The following SMG1 variants were observed in gnomAD, a reference collection of about 807,000 sequenced individuals.
The protein encoded by SMG1 is SMG1 nonsense mediated mRNA decay associated PI3K related kinase, also known as serine/threonine-protein kinase SMG1.
A neutral mutation model predicts 419.9 loss-of-function variants in SMG1; 22 were observed. The ratio of observed to expected loss-of-function variants is 0.05; its 90% confidence interval spans 0.04 to 0.07. The LOEUF (loss-of-function observed/expected upper bound fraction) is 0.07, where lower values mean the gene tolerates loss of function less well. Ranked by LOEUF, SMG1 falls within the 10% of genes least tolerant of loss-of-function variation. SMG1 has a pLI of 1.00. For synonymous variants in SMG1, 1,538 were observed against 1,553.5 expected (o/e 0.99, Z 0.23); for missense variants, 3,185 against 4,342.0 (o/e 0.73, Z 7.49).
rs540880202 is a variant in SMG1, at chr16:18,814,140, T to C, written c.10621+1035A>G. Among the ~76,000 whole-genome samples, 5 of 146,484 alleles carry C rather than the reference T, an allele frequency of 3.4e-5. No homozygotes were observed. In the East Asian group the frequency reaches 7.8e-4, roughly 23 times the overall value. ...GGCCATTAAGTCATTTTTAAAAAGA[T>C]TATTTAATGACTGAAAAATTATTAA... is the stretch of plus-strand genomic sequence containing the variant. On this transcript the variant is annotated intron_variant, in intron 60 of 62. Coordinates refer to ENST00000446231, the MANE Select transcript of SMG1 (RefSeq NM_015092.5).
In SMG1 at chr16:18,839,690, G is replaced by A. The variant is rs1028781698; in HGVS notation, c.6945+8C>T. On this transcript the variant is annotated splice_region_variant and intron_variant, in intron 42 of 62. Coordinates refer to ENST00000446231, the MANE Select transcript of SMG1 (RefSeq NM_015092.5). Reference sequence around the variant, plus strand: ...ACTACTGAGTATAGTCTAAAACAAAGCACATACCTGCGTAACTCTCCACCA... The same window carrying A: ...ACTACTGAGTATAGTCTAAAACAAAACACATACCTGCGTAACTCTCCACCA... 3 of 1,613,856 alleles carry A rather than the reference G, an allele frequency of 1.9e-6. No homozygotes were observed. The highest frequency in any genetic ancestry group is 2.2e-5 in the East Asian group (1 of 44,898).
chr16:18,864,866 C>G (rs1201357601), intron 23 of SMG1, among the ~76,000 whole-genome samples: 1 of 152,050 alleles, frequency 6.6e-6, no homozygotes, highest in Non-Finnish European at 1.5e-5. Context: ...AACAGTGAGT[C>G]GACTATGGTG....
chr16:18,866,220 A>T (rs1018832480), intron 23 of SMG1: 1 of 222,436 alleles, frequency 4.5e-6, no homozygotes, highest in Non-Finnish European at 9.0e-6. Context: ...TGGACACAGA[A>T]TATTATGGTA....
At chr16:18,829,232 A>G (rs766033449) in intron 54 of SMG1, 54 bp downstream of exon 54, 4 of 1,433,690 alleles carry the variant, frequency 2.8e-6, no homozygotes, top group Non-Finnish European at 3.8e-6. Context: ...AATTTCCCCC[A>G]TTTTTCAAGT....
At chr16:18,831,770 A>ACAT (rs57580914) in intron 51 of SMG1, among the ~76,000 whole-genome samples, 68 of 93,358 alleles carry the variant, frequency 7.3e-4, no homozygotes, top group Non-Finnish European at 1.4e-3. Context: ...AAAAAAAAAA[A>ACAT]ATACATATAT....
chr16:18,875,941 G>A (rs1215594498), intron 13 of SMG1, 183 bp downstream of exon 13: 19 of 631,496 alleles, frequency 3.0e-5, no homozygotes, highest in Non-Finnish European at 5.2e-5. Context: ...AAGAAGAAAA[G>A]TTAAATATAA....
chr16:18,891,975 G>T (rs2036902283), intron 4 of SMG1, among the ~76,000 whole-genome samples: 1 of 152,216 alleles, frequency 6.6e-6, no homozygotes, highest in African/African-American at 2.4e-5. Flanking sequence ...GCTGCAGTGG[G>T]AGGATAGCTT....
intron 55 of SMG1, among the ~76,000 whole-genome samples, chr16:18,820,210 C>T (rs905727069): frequency 5.9e-5 from 9 of 152,038 alleles, no homozygotes; most frequent in Admixed American, 5.9e-4. Context: ...ATGATCCACC[C>T]GCCTCGGCCT....
At position 18,806,678 on chromosome 16, in the gene SMG1, GGTT is replaced by G. The variant is rs962264774; in HGVS notation, c.*2888_*2890del. 1.3e-5 allele frequency: 2 copies of G among 152,186 alleles called. No individual in the cohort carries two copies. The highest frequency in any genetic ancestry group is 2.4e-5 in the African/African-American group (1 of 41,444). 9.4% of individuals were successfully genotyped at this position (152,186 alleles called of 1,614,324 possible). On this transcript the variant is annotated 3_prime_UTR_variant, in exon 63 of 63. Transcript: ENST00000446231. ...TCAATTTCCAAGGGTACTTTGAAGA[GGTT>G]GTTTGTAGGTTATTCTGTACCCCCT...
chr16:18,884,153 A>G lies in SMG1; in HGVS notation c.1036T>C (p.Leu346=), dbSNP rs779375380. Reference sequence around the variant, plus strand: ...AGATCAGCTACCCAAAATGGCTCCAAACTCTGCAACCACCCTTGGAATCGT... The same window carrying G: ...AGATCAGCTACCCAAAATGGCTCCAGACTCTGCAACCACCCTTGGAATCGT... ...TQQVSGWLQS[L]EPFWVADLAF... is the part of the protein sequence containing the mutation. The change falls in exon 9 of 63, where the codon TTG becomes CTG. Residue 346 remains leucine (L), a synonymous_variant. Transcript: ENST00000446231. The G allele has an allele frequency of 1.6e-5, 25 of 1,584,986 alleles. No homozygotes were observed. The South Asian group carries it at 2.8e-4, about 18-fold the overall frequency.
At chr16:18,869,382 G>C in intron 19 of SMG1, 79 bp from the exon 20 acceptor site, 2 of 1,247,188 alleles carry the variant, frequency 1.6e-6, no homozygotes, top group Non-Finnish European at 2.2e-6. Flanking sequence ...AGGGGAATAG[G>C]AATAAGGAAC....
At chr16:18,911,192 A>T (rs1199751919) in intron 1 of SMG1, among the ~76,000 whole-genome samples, 1 of 152,174 alleles carries the variant, frequency 6.6e-6, no homozygotes, top group Non-Finnish European at 1.5e-5. Flanking sequence ...TTTACAGCCT[A>T]ATGGGAGTAC....
rs907296488 is a variant in SMG1 at position 18,811,921 on chromosome 16, T to A, written c.10801+27A>T. On this transcript the variant is annotated intron_variant, in intron 61 of 62. Coordinates refer to ENST00000446231, the MANE Select transcript of SMG1 (RefSeq NM_015092.5). ...CAAACCGTCATTTTATATAAAAATTTAAGGCATCTTTATTCTAACTAATTA... is the reference window on the plus strand; with the variant it reads ...CAAACCGTCATTTTATATAAAAATTAAAGGCATCTTTATTCTAACTAATTA... The A allele has an allele frequency of 2.5e-6, 4 of 1,612,572 alleles. No individual in the cohort carries two copies. The African/African-American group carries it at 5.4e-5, about 22-fold the overall frequency.
Position 18,896,883 on chromosome 16 carries a change from A to G in SMG1, c.166T>C (p.Tyr56His). The change falls in exon 2 of 63, where the codon TAT becomes CAT. Residue 56 changes from tyrosine (Y) to histidine (H), a missense_variant. Around this residue, in one of 27 missense-constraint regions of SMG1, gnomAD observed 88 missense variants for 85.9 expected, o/e 1.02. Transcript: ENST00000446231. ...SSRDRGGSSS[Y>H]GLQPSNSAVV... Reference sequence around the variant, plus strand: ...GCTGAATTTGAAGGTTGCAGTCCATAAGAGGAAGAACCACCTCTATCTCTG... The same window carrying G: ...GCTGAATTTGAAGGTTGCAGTCCATGAGAGGAAGAACCACCTCTATCTCTG... 1 of 1,608,114 alleles carries G rather than the reference A, an allele frequency of 6.2e-7. No individual in the cohort carries two copies. The highest frequency in any genetic ancestry group is 1.1e-5 in the South Asian group (1 of 90,456).
At chr16:18,829,880 T>C (rs374791687) in intron 53 of SMG1, 46 bp downstream of exon 53, 13 of 1,462,984 alleles carry the variant, frequency 8.9e-6, no homozygotes, top group African/African-American at 1.4e-5. Flanking sequence ...CCCCCTTCCA[T>C]AGTGCTACAT....
chr16:18,869,550 T>G (rs1296533248), intron 19 of SMG1, among the ~76,000 whole-genome samples: 1 of 151,938 alleles, frequency 6.6e-6, no homozygotes, highest in Non-Finnish European at 1.5e-5. Flanking sequence ...TGAAACTCAC[T>G]CAATTCAACT....
At chr16:18,889,709 A>G in intron 5 of SMG1, 124 bp from the exon 6 acceptor site, 2 of 620,736 alleles carry the variant, frequency 3.2e-6, no homozygotes, top group Non-Finnish European at 5.8e-6. Context: ...TTCAAACTAC[A>G]TAAAAGGTTG....
chr16:18,855,549 A>G (rs1234802714), intron 29 of SMG1, among the ~76,000 whole-genome samples: 2 of 152,096 alleles, frequency 1.3e-5, no homozygotes, highest in Non-Finnish European at 2.9e-5. Context: ...TGCCAAATGG[A>G]GCTCATTTTC....
At chr16:18,865,854 C>G (rs1483666354) in intron 23 of SMG1, among the ~76,000 whole-genome samples, 1 of 151,846 alleles carries the variant, frequency 6.6e-6, no homozygotes, top group Non-Finnish European at 1.5e-5. Flanking sequence ...TTAGTAGAGA[C>G]AGGGTTTCAC....
Sources: gnomAD v4.1 joint callset for allele counts (sites outside exome capture counted in the v4.1 genomes callset) on GRCh38, gnomAD v4.1.1 for gene constraint, gnomAD v4.1.1 regional missense constraint, MANE v1.5 for transcripts, NCBI Gene and HGNC (gene_info 2026-07-23, HGNC 2026-07-21) for gene names.